Variants in ALOX15 observed in about 807,000 individuals in gnomAD.
ALOX15 encodes arachidonate 15-lipoxygenase, also known as polyunsaturated fatty acid lipoxygenase ALOX15.
ALOX15 carries 68 observed loss-of-function variants against 71.7 expected under a neutral mutation model. That is an observed-to-expected ratio of 0.95 (90% CI 0.78 to 1.16). ALOX15 has a LOEUF of 1.16. Ranked by LOEUF, ALOX15 falls within the 50% of genes most tolerant of loss-of-function variation. The probability of loss-of-function intolerance (pLI) is 0.00; values close to 1 mark genes in which losing one functional copy is unlikely to be tolerated. For missense variants in ALOX15, 798 were observed against 818.8 expected (o/e 0.97, Z 0.31); for synonymous variants, 346 against 333.3 (o/e 1.04, Z -0.42).
intron 1 of ALOX15, among the ~76,000 whole-genome samples, chr17:4,641,014 G>A (rs560061961): frequency 3.0e-4 from 46 of 151,058 alleles, no homozygotes; most frequent in Middle Eastern, 3.4e-3. Context: ...AAGTTAACAG[G>A]ACCGGGTAGA....
chr17:4,631,451 A>C lies in ALOX15; in HGVS notation c.*149T>G. Reference sequence around the variant, plus strand: ...GATGCCTCTAGAGTAAAATGTGTTCACTGGGTGCAGAGACCATGAAAAGGT... The same window carrying C: ...GATGCCTCTAGAGTAAAATGTGTTCCCTGGGTGCAGAGACCATGAAAAGGT... On this transcript the variant is annotated 3_prime_UTR_variant, in exon 14 of 14. Coordinates refer to ENST00000293761, the MANE Select transcript of ALOX15 (RefSeq NM_001140.5). 1.1e-6 allele frequency: 1 copy of C among 898,626 alleles called. No homozygotes were observed. Among genetic ancestry groups the C allele is most frequent in the South Asian group, 1.8e-5 (1 of 56,706 alleles). The allele number at this position is 898,626 out of a possible 1,614,324, so 55.7% of individuals were successfully genotyped here.
At position 4,638,912 on chromosome 17, in the gene ALOX15, G is replaced by A. The variant is rs761764270; in HGVS notation, c.480C>T (p.Leu160=). 1 of 1,614,210 alleles carries A rather than the reference G, an allele frequency of 6.2e-7. No homozygotes were observed. Among genetic ancestry groups the A allele is most frequent in the Non-Finnish European group, 8.5e-7 (1 of 1,180,046 alleles). Residue 160 remains leucine, a synonymous_variant, in exon 4 of 14, where the codon CTC becomes CTT. Transcript: ENST00000293761. ...CTTCCAGAAATCGCTCATCCACAGG[G>A]AGGTCATATAGTTTGGCCCCAGCCA... ...LNMAGAKLYD[L]PVDERFLEDK...
At chr17:4,641,428 G>A (rs1274807933) in intron 1 of ALOX15, 89 bp downstream of exon 1, 6 of 1,529,764 alleles carry the variant, frequency 3.9e-6, no homozygotes, top group Non-Finnish European at 4.4e-6. Context: ...GAATCGGCCA[G>A]AGGCCAACGG....
chr17:4,635,689 C>T, intron 8 of ALOX15, 70 bp downstream of exon 8: 1 of 1,468,620 alleles, frequency 6.8e-7, no homozygotes. Flanking sequence ...AGAGAGGGAG[C>T]CTCCAGAGGT....
At chr17:4,641,493 C>G (rs1441172032) in intron 1 of ALOX15, 24 bp downstream of exon 1, 2 of 1,604,238 alleles carry the variant, frequency 1.2e-6, no homozygotes, top group South Asian at 2.2e-5. Context: ...CGCAGCCCAC[C>G]CCGCCCGGCT....
rs1230630051 is a variant in ALOX15, at chr17:4,633,047, T to TCAGGGCCC, written c.1419-73_1419-66dup. ...CTCTGCCCCTGCTCACATGGCCAGG[T>TCAGGGCCC]CAGGGCCCCAGGCCCCCAACCAGAC... On this transcript the variant is annotated intron_variant, in intron 10 of 13. Transcript: ENST00000293761. 138 of 1,612,170 alleles carry TCAGGGCCC rather than the reference T, an allele frequency of 8.6e-5. No homozygotes were observed. In the Admixed American group the frequency reaches 2.3e-3, roughly 27 times the overall value.
rs142629035 is a variant in ALOX15 at position 4,632,058 on chromosome 17, T to G, written c.1642-2A>C. The G allele has an allele frequency of 6.3e-5, 101 of 1,610,460 alleles. No homozygotes were observed. Among genetic ancestry groups the G allele is most frequent in the Non-Finnish European group, 8.3e-5 (98 of 1,177,804 alleles). On this transcript the variant is annotated splice_acceptor_variant, in intron 12 of 13. Coordinates refer to ENST00000293761, the MANE Select transcript of ALOX15 (RefSeq NM_001140.5). LOFTEE classifies it high-confidence loss of function. Reference sequence around the variant, plus strand: ...AGGCACCCAAGAGTACCAGTCCAGCTAAGGAAGGGCAGGGATCCAGAGTCA... The same window carrying G: ...AGGCACCCAAGAGTACCAGTCCAGCGAAGGAAGGGCAGGGATCCAGAGTCA...
chr17:4,641,376 C>T, intron 1 of ALOX15, 141 bp downstream of exon 1: 3 of 1,280,232 alleles, frequency 2.3e-6, no homozygotes, highest in South Asian at 3.0e-5. Context: ...CCCCCGTGGC[C>T]TCCGCGCGCT....
chr17:4,640,895 C>T (rs1911299628), intron 1 of ALOX15, among the ~76,000 whole-genome samples: 1 of 151,110 alleles, frequency 6.6e-6, no homozygotes, highest in South Asian at 2.1e-4. Flanking sequence ...GAGGGGAGGA[C>T]CTCATCCGGG....
At position 4,632,283 on chromosome 17, in the gene ALOX15, T is replaced by A. The variant is rs1246429874; in HGVS notation, c.1541-2A>T. The A allele has an allele frequency of 6.2e-7, 1 of 1,613,398 alleles. No individual in the cohort carries two copies. ...GAGCCTGTAAAGAGACAGGAAACCC[T>A]GCAAGGGGTGAAGAGAGTTAGAAGC... On this transcript the variant is annotated splice_acceptor_variant, in intron 11 of 13. Transcript: ENST00000293761. LOFTEE classifies it high-confidence loss of function.
At chr17:4,636,984 CA>C (rs1911120741) in intron 7 of ALOX15, 130 bp downstream of exon 7, 1 of 1,127,514 alleles carries the variant, frequency 8.9e-7, no homozygotes, top group Non-Finnish European at 1.3e-6. Context: ...AGACTTGGCG[CA>C]TTTCCTCCTT....
chr17:4,641,593 T>C lies in ALOX15; in HGVS notation c.59A>G (p.Asn20Ser), dbSNP rs1218851811. 1 of 1,613,768 alleles carries C rather than the reference T, an allele frequency of 6.2e-7. No individual in the cohort carries two copies. Among genetic ancestry groups the C allele is most frequent in the African/African-American group, 1.3e-5 (1 of 75,068 alleles). ...GCCGACCAGCCACAGCTGCACCTGG[T>C]TGTTGGAACCGGCATAGAGCGAGGC... ...TGASLYAGSN[N>S]QVQLWLVGQH... The change falls in exon 1 of 14, where the codon AAC (asparagine) becomes AGC (serine). Residue 20 changes from asparagine to serine, a missense_variant. Coordinates refer to ENST00000293761, the MANE Select transcript of ALOX15 (RefSeq NM_001140.5).
At chr17:4,637,531 G>A (rs1412539023) in intron 6 of ALOX15, among the ~76,000 whole-genome samples, 1 of 152,044 alleles carries the variant, frequency 6.6e-6, no homozygotes, top group African/African-American at 2.4e-5. Context: ...AGCCTCCCAA[G>A]TAGCTGGGAC....
chr17:4,635,212 T>C (rs1391644864), intron 8 of ALOX15, among the ~76,000 whole-genome samples: 1 of 151,688 alleles, frequency 6.6e-6, no homozygotes, highest in East Asian at 1.9e-4. Flanking sequence ...AAGCAGATCA[T>C]CTGAGGTCAG....
intron 6 of ALOX15, among the ~76,000 whole-genome samples, chr17:4,637,587 G>C (rs1309079446): frequency 6.6e-6 from 1 of 152,018 alleles, no homozygotes; most frequent in Non-Finnish European, 1.5e-5. Context: ...GATAATTTTT[G>C]TACTTTTGTA....
At position 4,638,775 on chromosome 17, in the gene ALOX15, A is replaced by G. The variant is rs1911208559; in HGVS notation, c.542+75T>C. The G allele has an allele frequency of 6.8e-6, 11 of 1,612,908 alleles. No homozygotes were observed. The South Asian group carries it at 1.1e-4, about 16-fold the overall frequency. ...CACCGATCCTGGGCCAGTCCAATGC[A>G]GTGCAGCCCATAAGCCCCTTGGCTT... On this transcript the variant is annotated intron_variant, in intron 4 of 13. Coordinates refer to ENST00000293761, the MANE Select transcript of ALOX15 (RefSeq NM_001140.5).
At chr17:4,631,822 C>CA in intron 13 of ALOX15, 43 bp from the exon 14 acceptor site, 1 of 1,611,220 alleles carries the variant, frequency 6.2e-7, no homozygotes, top group Non-Finnish European at 8.5e-7. Context: ...TTATGACCCC[C>CA]AGTCTGGGAT....
At position 4,637,164 on chromosome 17, in the gene ALOX15, A is replaced by C; in HGVS notation, c.902T>G (p.Val301Gly). ...CCCATCAGGCTGCAATTTCAGCATG[A>C]CTAGAGGGGCAGCCAGGTGCTGCTG... ...CSQQHLAAPLVMLKLQPDGKL... is the reference protein window; with the variant it reads ...CSQQHLAAPLGMLKLQPDGKL... Residue 301 changes from valine (V) to glycine (G), a missense_variant, in exon 7 of 14, where the codon GTC (valine) becomes GGC (glycine). Around this residue, in one of 3 missense-constraint regions of ALOX15, gnomAD observed 490 missense variants for 509.4 expected, o/e 0.96. Coordinates refer to ENST00000293761, the MANE Select transcript of ALOX15 (RefSeq NM_001140.5). 1 of 1,613,942 alleles carries C rather than the reference A, an allele frequency of 6.2e-7. No homozygotes were observed. The highest frequency in any genetic ancestry group is 1.1e-5 in the South Asian group (1 of 91,008).
chr17:4,637,613 C>T (rs778192225), intron 6 of ALOX15, among the ~76,000 whole-genome samples: 16 of 152,080 alleles, frequency 1.1e-4, no homozygotes, highest in Non-Finnish European at 2.2e-4. Context: ...AGGGTTTCAC[C>T]ACGTTGCCTA....
Sources: allele counts gnomAD v4.1 joint callset (sites outside exome capture counted in the v4.1 genomes callset), GRCh38; gene constraint gnomAD v4.1.1; regional missense constraint gnomAD v4.1.1; transcripts MANE v1.5; gene names NCBI Gene and HGNC (gene_info 2026-07-23, HGNC 2026-07-21).